The following NBN variants were observed in gnomAD, a reference collection of about 807,000 sequenced individuals.
The protein encoded by NBN is nibrin.
A neutral mutation model predicts 90.8 loss-of-function variants in NBN; 88 were observed. The observed-to-expected ratio is 0.97, with a 90% CI of 0.82 to 1.16. The LOEUF (loss-of-function observed/expected upper bound fraction) is 1.16. Ranked by LOEUF, NBN falls within the 50% of genes most tolerant of loss-of-function variation. The pLI, the probability that NBN is intolerant of heterozygous loss-of-function variation, is 0.00. For synonymous variants in NBN, 328 were observed against 295.1 expected (o/e 1.11, Z -1.14); for missense variants, 894 against 869.6 (o/e 1.03, Z -0.35).
rs1810638330 is a variant in NBN at position 89,955,186 on chromosome 8, C to A, written c.1397+97G>T. ...AAAAAGCTGCAGCAGCAGAAGCATA[C>A]TTAATCAGAACAGACTAAAGACAAT... On this transcript the variant is annotated intron_variant, in intron 10 of 15. Transcript: ENST00000265433. 5.7e-6 allele frequency: 7 copies of A among 1,235,820 alleles called. No homozygotes were observed. In the South Asian group the frequency reaches 7.7e-5, roughly 14 times the overall value. The allele number at this position is 1,235,820 out of a possible 1,614,324, so 76.6% of individuals were successfully genotyped here. A position where few individuals can be genotyped will look rare whatever the true frequency, so the allele number is the denominator to read the frequency against.
Position 89,971,255 on chromosome 8 carries a change from C to A in NBN, c.620G>T (p.Ser207Ile), listed in dbSNP as rs587780099. ...CCGTCCTGACAGATCAACATTTTTA[C>A]TTCCAATAGATGGTTCATCAAGAGG... ...YPPLDEPSIG[S>I]KNVDLSGRQE... Residue 207 changes from serine to isoleucine, a missense_variant, in exon 6 of 16, where the codon AGT (serine) becomes ATT (isoleucine). By Grantham distance (142) the Ser-to-Ile change is moderately radical. Coordinates refer to ENST00000265433, the MANE Select transcript of NBN (RefSeq NM_002485.5). 19 of 1,612,932 alleles carry A rather than the reference C, an allele frequency of 1.2e-5. No individual in the cohort carries two copies. Among genetic ancestry groups the A allele is most frequent in the Non-Finnish European group, 1.4e-5 (17 of 1,179,406 alleles).
At chr8:89,970,067 G>A (rs1811432445) in intron 7 of NBN, among the ~76,000 whole-genome samples, 1 of 152,050 alleles carries the variant, frequency 6.6e-6, no homozygotes, top group Non-Finnish European at 1.5e-5. Flanking sequence ...TGGCCTACAT[G>A]GCAAAACCCT....
intron 7 of NBN, among the ~76,000 whole-genome samples, chr8:89,969,584 A>G (rs772407795): frequency 6.6e-6 from 1 of 152,248 alleles, no homozygotes; most frequent in Non-Finnish European, 1.5e-5. Context: ...ACTGTCATGA[A>G]TAAAGATATT....
chr8:89,971,094 A>G, intron 6 of NBN, 79 bp downstream of exon 6: 1 of 1,455,268 alleles, frequency 6.9e-7, no homozygotes, highest in South Asian at 1.2e-5. Context: ...AAATACGTTA[A>G]CAACTACTGA....
At position 89,940,498 on chromosome 8, in the gene NBN, C is replaced by T. The variant is rs181298946; in HGVS notation, c.2184+2755G>A. Among the ~76,000 whole-genome samples the T allele has an allele frequency of 1.7e-3, 256 of 152,058 alleles. No homozygotes were observed. In the Middle Eastern group the frequency reaches 0.017, roughly 10 times the overall value. ...ACTGAATTTCTGTCTCACAAACTGG[C>T]TTCTGAATGTAATCCCTGCATGAGA... On this transcript the variant is annotated intron_variant, in intron 14 of 15. Transcript: ENST00000265433.
At chr8:89,939,940 C>G (rs2130746548) in intron 14 of NBN, among the ~76,000 whole-genome samples, 1 of 152,316 alleles carries the variant, frequency 6.6e-6, no homozygotes. Flanking sequence ...CTGCACACAG[C>G]TCCAGCTGAG....
chr8:89,980,067 A>G (rs534048970), intron 4 of NBN, among the ~76,000 whole-genome samples: 1 of 152,334 alleles, frequency 6.6e-6, no homozygotes, highest in East Asian at 1.9e-4. Context: ...CACACTGCTG[A>G]ATTTATAAAA....
chr8:89,938,798 G>T (rs964329363), intron 14 of NBN, among the ~76,000 whole-genome samples: 8 of 152,094 alleles, frequency 5.3e-5, no homozygotes, highest in African/African-American at 1.9e-4. Flanking sequence ...TTCTAATAGG[G>T]ATAGCAAAAC....
At position 89,977,424 on chromosome 8, in the gene NBN, T is replaced by G. The variant is rs144071615; in HGVS notation, c.584+796A>C. On this transcript the variant is annotated intron_variant, in intron 5 of 15. Coordinates refer to ENST00000265433, the MANE Select transcript of NBN (RefSeq NM_002485.5). The stretch of plus-strand genomic sequence containing the variant: ...CTCATTCTCTTTTATGGCTGCATAG[T>G]ATTCCATGGTGTATATGTGCATAGG... Among the ~76,000 whole-genome samples the G allele has an allele frequency of 2.1e-3, 320 of 152,316 alleles. 2 individuals carry two copies. The highest frequency in any genetic ancestry group is 7.0e-3 in the African/African-American group (291 of 41,560).
chr8:89,942,485 C>G (rs576241583), intron 14 of NBN, among the ~76,000 whole-genome samples: 6 of 152,224 alleles, frequency 3.9e-5, no homozygotes, highest in African/African-American at 1.2e-4. Context: ...AATCACAAAG[C>G]ACAAACTTGA....
intron 7 of NBN, among the ~76,000 whole-genome samples, chr8:89,965,128 A>T (rs1311189794): frequency 2.0e-5 from 3 of 152,008 alleles, no homozygotes; most frequent in South Asian, 2.1e-4. Context: ...AAAAAAAATT[A>T]AAAAAAATCA....
In NBN at chr8:89,952,004, G is replaced by A. The variant is rs79166230; in HGVS notation, c.1845+1240C>T. 6.4e-3 allele frequency among the ~76,000 whole-genome samples: 975 copies of A among 152,234 alleles called. 11 individuals are homozygous for A. Among genetic ancestry groups the A allele is most frequent in the African/African-American group, 0.022 (904 of 41,514 alleles). On this transcript the variant is annotated intron_variant, in intron 11 of 15. Coordinates refer to ENST00000265433, the MANE Select transcript of NBN (RefSeq NM_002485.5). Reference sequence around the variant, plus strand: ...AGAAAGCTCCTTAGAAAACAGGGAGGAATTCAGCTGGAAAGGCCTTTACCT... The same window carrying A: ...AGAAAGCTCCTTAGAAAACAGGGAGAAATTCAGCTGGAAAGGCCTTTACCT...
At position 89,970,513 on chromosome 8, in the gene NBN, A is replaced by C. The variant is rs780134747; in HGVS notation, c.747T>G (p.Ala249=). ...SSAVVFGGGE[A]RLITEENEEE... is the part of the protein sequence containing the mutation. ...CTTCATTCTCTTCTGTTATCAACCTAGCTTCCCCACCTCCAAAGACAACTG... is the reference window on the plus strand; with the variant it reads ...CTTCATTCTCTTCTGTTATCAACCTCGCTTCCCCACCTCCAAAGACAACTG... Residue 249 remains alanine (A), a synonymous_variant, in exon 7 of 16, where the codon GCT becomes GCG. Transcript: ENST00000265433. The C allele has an allele frequency of 6.2e-7, 1 of 1,613,918 alleles. No individual in the cohort carries two copies. The highest frequency in any genetic ancestry group is 8.5e-7 in the Non-Finnish European group (1 of 1,179,840).
In NBN at chr8:89,953,672, G is replaced by T. The variant is rs755805461; in HGVS notation, c.1417C>A (p.Gln473Lys). The T allele has an allele frequency of 5.6e-6, 9 of 1,610,646 alleles. No homozygotes were observed. The highest frequency in any genetic ancestry group is 1.7e-4 in the Middle Eastern group (1 of 6,000). Residue 473 changes from glutamine (Q) to lysine (K), a missense_variant, in exon 11 of 16, where the codon CAA becomes AAA. By Grantham distance (53) the Gln-to-Lys change is moderately conservative (BLOSUM62 1). Coordinates refer to ENST00000265433, the MANE Select transcript of NBN (RefSeq NM_002485.5). Reference protein sequence around the residue: ...TKKRERDEENQEMSSCKSARI... With the variant: ...TKKRERDEENKEMSSCKSARI... ...GCTGATTTGCATGAAGACATTTCTT[G>T]ATTTTCTTCATCCCTTTCCCTTAGA... is the stretch of plus-strand genomic sequence containing the variant.
intron 4 of NBN, 63 bp from the exon 5 acceptor site, chr8:89,978,386 TTAAGTTA>T (rs1246804976): frequency 2.8e-6 from 4 of 1,423,886 alleles, no homozygotes; most frequent in Non-Finnish European, 3.0e-6. Context: ...AAGAAAAGTT[TTAAGTTA>T]TAAACTACAA....
chr8:89,975,398 A>G (rs942993715), intron 5 of NBN, among the ~76,000 whole-genome samples: 2 of 152,190 alleles, frequency 1.3e-5, no homozygotes, highest in Non-Finnish European at 2.9e-5. Context: ...TCCTTCTACT[A>G]ATGTTTATAA....
Position 89,943,360 on chromosome 8 carries a change from A to G in NBN, c.2077T>C (p.Tyr693His). Residue 693 changes from tyrosine to histidine, a missense_variant, in exon 14 of 16, where the codon TAT becomes CAT. By Grantham distance (83) the Tyr-to-His change is moderately conservative. Coordinates refer to ENST00000265433, the MANE Select transcript of NBN (RefSeq NM_002485.5). Reference protein sequence around the residue: ...KNFKKFKKVTYPGAGKLPHII... With the variant: ...KNFKKFKKVTHPGAGKLPHII... ...TGTGGAAGTTTTCCTGCTCCAGGAT[A>G]TGTGACCTATTGAATAATAAAAGTA... The G allele has an allele frequency of 6.2e-7, 1 of 1,601,880 alleles. No individual in the cohort carries two copies. Among genetic ancestry groups the G allele is most frequent in the Non-Finnish European group, 8.6e-7 (1 of 1,169,070 alleles).
At chr8:89,984,416 G>T in intron 1 of NBN, 109 bp downstream of exon 1, 1 of 1,054,654 alleles carries the variant, frequency 9.5e-7, no homozygotes, top group Non-Finnish European at 1.4e-6. Context: ...GACCGCTTCC[G>T]CAGCGTCCCC....
In NBN at chr8:89,978,267, T is replaced by C; in HGVS notation, c.537A>G (p.Glu179=). Residue 179 remains glutamate (E), a synonymous_variant, in exon 5 of 16, where the codon GAA becomes GAG. Coordinates refer to ENST00000265433, the MANE Select transcript of NBN (RefSeq NM_002485.5). ...RPIVKPEYFT[E]FLKAVESKKQ... is the part of the protein sequence containing the mutation. Reference sequence around the variant, plus strand: ...TCTTGGACTCAACTGCTTTCAGGAATTCAGTAAAATATTCTGGCTTTACAA... The same window carrying C: ...TCTTGGACTCAACTGCTTTCAGGAACTCAGTAAAATATTCTGGCTTTACAA... The C allele has an allele frequency of 5.6e-6, 9 of 1,602,970 alleles. No individual in the cohort carries two copies. Among genetic ancestry groups the C allele is most frequent in the Non-Finnish European group, 7.7e-6 (9 of 1,170,022 alleles).
Sources: gnomAD v4.1 joint callset for allele counts (sites outside exome capture counted in the v4.1 genomes callset) on GRCh38, gnomAD v4.1.1 for gene constraint, MANE v1.5 for transcripts, NCBI Gene and HGNC (gene_info 2026-07-23, HGNC 2026-07-21) for gene names.